DGKB: variants seen among roughly 807,000 people sequenced by gnomAD.
DGKB encodes the protein 90 kDa diacylglycerol kinase.
A neutral mutation model predicts 114.3 loss-of-function variants in DGKB; 67 were observed. The ratio of observed to expected loss-of-function variants is 0.59; its 90% CI spans 0.48 to 0.72. The LOEUF is 0.72. Ranked by LOEUF, DGKB falls within the 30% of genes least tolerant of loss-of-function variation. The pLI is 0.00. For synonymous variants in DGKB, 398 were observed against 323.1 expected (o/e 1.23, Z -2.49); for missense variants, 907 against 975.2 (o/e 0.93, Z 0.93).
At chr7:14,266,357 G>C (rs40236) in intron 23 of DGKB, among the ~76,000 whole-genome samples, 84,975 of 151,584 alleles carry the variant, frequency 0.56, 26,348 homozygotes, top group East Asian at 0.99. Flanking sequence ...TTTTGAGTTT[G>C]AGCCAAATAT....
intron 21 of DGKB, among the ~76,000 whole-genome samples, chr7:14,380,913 T>G (rs77636852): frequency 0.04 from 6,124 of 152,336 alleles, 183 homozygotes; most frequent in Non-Finnish European, 0.057. Flanking sequence ...CAAAAGGAAC[T>G]ATGCAGATGT....
At chr7:14,865,485 C>G (rs530216064) in intron 1 of DGKB, among the ~76,000 whole-genome samples, 29 of 152,332 alleles carry the variant, frequency 1.9e-4, no homozygotes, top group African/African-American at 7.0e-4. Context: ...AGGACAGCTT[C>G]AACATTTGGA....
intron 25 of DGKB, among the ~76,000 whole-genome samples, chr7:14,149,831 GTAATA>G (rs1448732450): frequency 6.6e-6 from 1 of 152,202 alleles, no homozygotes; most frequent in East Asian, 1.9e-4. Flanking sequence ...TAATTAATTG[GTAATA>G]TAATAGAATC....
intron 5 of DGKB, among the ~76,000 whole-genome samples, chr7:14,720,133 A>G (rs2128354786): frequency 6.6e-6 from 1 of 152,096 alleles, no homozygotes; most frequent in East Asian, 1.9e-4. Flanking sequence ...CATTAGTGGG[A>G]TTCATAATTG....
At chr7:14,541,793 CGTCA>C (rs1793503814) in intron 20 of DGKB, among the ~76,000 whole-genome samples, 1 of 152,260 alleles carries the variant, frequency 6.6e-6, no homozygotes, top group Non-Finnish European at 1.5e-5. Flanking sequence ...CCCAATTTGA[CGTCA>C]GTAAGTCAGA....
chr7:14,748,470 G>A (rs1457074260), intron 4 of DGKB, among the ~76,000 whole-genome samples: 1 of 152,162 alleles, frequency 6.6e-6, no homozygotes, highest in African/African-American at 2.4e-5. Flanking sequence ...AGAGAAGACA[G>A]CTAGTACAAT....
At chr7:14,733,810 GA>G in intron 5 of DGKB, among the ~76,000 whole-genome samples, 1 of 140,412 alleles carries the variant, frequency 7.1e-6, no homozygotes. Flanking sequence ...GGGAGGGAAG[GA>G]GGGAAGGAAG....
At chr7:14,863,602 T>C (rs895706122) in intron 1 of DGKB, among the ~76,000 whole-genome samples, 9 of 152,072 alleles carry the variant, frequency 5.9e-5, no homozygotes, top group Non-Finnish European at 1.2e-4. Context: ...AATTAAAATA[T>C]AGTTTAAAGT....
At chr7:14,934,184 C>T (rs1785168170) in intron 1 of DGKB, among the ~76,000 whole-genome samples, 1 of 152,110 alleles carries the variant, frequency 6.6e-6, no homozygotes, top group African/African-American at 2.4e-5. Flanking sequence ...TTTCACCTTC[C>T]ATTTATTTGA....
In DGKB at chr7:14,827,264, T is replaced by C. The variant is rs141745714; in HGVS notation, c.70+13930A>G. Among the ~76,000 whole-genome samples the C allele has an allele frequency of 1.9e-3, 283 of 152,196 alleles. 1 individual carries two copies. Among genetic ancestry groups the C allele is most frequent in the African/African-American group, 6.5e-3 (270 of 41,520 alleles). On this transcript the variant is annotated intron_variant, in intron 2 of 25. Transcript: ENST00000402815. ...ACATTGTGTGAACTAATAAATAGCATGAGAACAACTAGATAAGGCATTACC... is the reference window on the plus strand; with the variant it reads ...ACATTGTGTGAACTAATAAATAGCACGAGAACAACTAGATAAGGCATTACC...
At chr7:14,573,504 T>C (rs942142917) in intron 20 of DGKB, among the ~76,000 whole-genome samples, 1 of 146,204 alleles carries the variant, frequency 6.8e-6, no homozygotes, top group African/African-American at 2.6e-5. Flanking sequence ...TGTGTGTGTG[T>C]GTATGAGATG....
chr7:14,692,170 A>G (rs1196293434), intron 9 of DGKB, among the ~76,000 whole-genome samples: 1 of 151,722 alleles, frequency 6.6e-6, no homozygotes, highest in Non-Finnish European at 1.5e-5. Flanking sequence ...TATCAGCAGT[A>G]GTTTCCAAAA....
intron 13 of DGKB, among the ~76,000 whole-genome samples, chr7:14,641,495 T>C (rs1188981463): frequency 1.8e-5 from 1 of 55,250 alleles, no homozygotes; most frequent in Non-Finnish European, 4.4e-5. Flanking sequence ...TTTCTCATTT[T>C]GGAAAAAAAA....
chr7:14,573,952 A>G (rs1359413305), intron 20 of DGKB, among the ~76,000 whole-genome samples: 3 of 152,152 alleles, frequency 2.0e-5, no homozygotes, highest in Non-Finnish European at 4.4e-5. Context: ...CAAATAAACC[A>G]ATTACAAAGA....
At chr7:14,571,931 C>A (rs1000640167) in intron 20 of DGKB, among the ~76,000 whole-genome samples, 2 of 152,090 alleles carry the variant, frequency 1.3e-5, no homozygotes, top group African/African-American at 2.4e-5. Context: ...CAATGATAAC[C>A]ACTGTGGGCA....
At chr7:14,758,766 TCATAGATGCCCATTGAATATATAATGCC>T in intron 2 of DGKB, among the ~76,000 whole-genome samples, 2 of 152,190 alleles carry the variant, frequency 1.3e-5, no homozygotes, top group African/African-American at 4.8e-5. Context: ...GAAAACTCTC[TCATAGATGCCCATTGAATATATAATGCC>T]TATATTTTGT....
intron 13 of DGKB, among the ~76,000 whole-genome samples, chr7:14,647,614 T>C (rs936598218): frequency 1.8e-5 from 2 of 114,264 alleles, no homozygotes; most frequent in South Asian, 2.8e-4. Flanking sequence ...CAACATCACA[T>C]CAAAAAGATA....
chr7:14,254,642 T>A (rs1215140447), intron 23 of DGKB, among the ~76,000 whole-genome samples: 1 of 152,226 alleles, frequency 6.6e-6, no homozygotes, highest in Non-Finnish European at 1.5e-5. Flanking sequence ...ACCCTACATA[T>A]ACATACATAG....
At chr7:14,537,728 C>T (rs1219884648) in intron 20 of DGKB, among the ~76,000 whole-genome samples, 1 of 152,128 alleles carries the variant, frequency 6.6e-6, no homozygotes, top group East Asian at 1.9e-4. Context: ...TAACATTGAT[C>T]TTGACAATGA....
Sources: allele counts gnomAD v4.1 joint callset (sites outside exome capture counted in the v4.1 genomes callset), GRCh38; gene constraint gnomAD v4.1.1; transcripts MANE v1.5; gene names NCBI Gene and HGNC (gene_info 2026-07-23, HGNC 2026-07-21).